NPAS3: variants seen among roughly 807,000 people sequenced by gnomAD.
The protein encoded by NPAS3 is neuronal PAS domain-containing protein 3.
A neutral mutation model predicts 73.1 loss-of-function variants in NPAS3; 14 were observed. The ratio of observed to expected loss-of-function variants is 0.19; its 90% CI spans 0.13 to 0.30. The LOEUF (loss-of-function observed/expected upper bound fraction) is 0.30, where lower values mean the gene tolerates loss of function less well. NPAS3 is among the 10% of genes least tolerant of loss of function. NPAS3 has a pLI of 1.00. For missense variants in NPAS3, 1,096 were observed against 1,250.0 expected (o/e 0.88, Z 1.86); for synonymous variants, 620 against 541.5 (o/e 1.14, Z -2.01).
intron 4 of NPAS3, among the ~76,000 whole-genome samples, chr14:33,507,790 T>C (rs997576194): frequency 2.0e-5 from 3 of 152,056 alleles, no homozygotes; most frequent in African/African-American, 7.2e-5. Context: ...TGCTGTTCTC[T>C]TTTACTTCTG....
chr14:33,309,589 C>T (rs1022224727), intron 3 of NPAS3, among the ~76,000 whole-genome samples: 3 of 152,080 alleles, frequency 2.0e-5, no homozygotes, highest in African/African-American at 7.2e-5. Flanking sequence ...TGTAAAGCAA[C>T]CTGAAATTAA....
At chr14:33,207,217 C>A (rs1198427866) in intron 2 of NPAS3, among the ~76,000 whole-genome samples, 1 of 150,078 alleles carries the variant, frequency 6.7e-6, no homozygotes, top group Non-Finnish European at 1.5e-5. Flanking sequence ...CCAGGAAGTT[C>A]TCAGCTCAAA....
chr14:33,672,951 T>TTAGA (rs1343845840), intron 5 of NPAS3, among the ~76,000 whole-genome samples: 9 of 152,350 alleles, frequency 5.9e-5, no homozygotes, highest in African/African-American at 2.2e-4. Flanking sequence ...GTTGAAAGTG[T>TTAGA]TAGATACATG....
intron 5 of NPAS3, among the ~76,000 whole-genome samples, chr14:33,651,338 C>A (rs1185132682): frequency 6.6e-6 from 1 of 152,150 alleles, no homozygotes; most frequent in Non-Finnish European, 1.5e-5. Context: ...CATAGGACAT[C>A]ACTGTTCATA....
At chr14:33,216,998 G>A (rs1186779536) in intron 3 of NPAS3, among the ~76,000 whole-genome samples, 1 of 152,132 alleles carries the variant, frequency 6.6e-6, no homozygotes, top group Non-Finnish European at 1.5e-5. Flanking sequence ...CCCGAGAATG[G>A]ATAAACAAAA....
At chr14:33,574,214 G>T (rs560316442) in intron 5 of NPAS3, among the ~76,000 whole-genome samples, 21 of 152,210 alleles carry the variant, frequency 1.4e-4, no homozygotes, top group Non-Finnish European at 2.9e-4. Flanking sequence ...GCAAGCCTCA[G>T]AAAATCTCAG....
At chr14:33,170,532 C>T (rs1300795333) in intron 2 of NPAS3, among the ~76,000 whole-genome samples, 1 of 152,178 alleles carries the variant, frequency 6.6e-6, no homozygotes, top group Non-Finnish European at 1.5e-5. Context: ...GCATGTGATG[C>T]CATGTGATAG....
intron 5 of NPAS3, among the ~76,000 whole-genome samples, chr14:33,617,729 G>T (rs1233830121): frequency 6.6e-6 from 1 of 152,134 alleles, no homozygotes; most frequent in Non-Finnish European, 1.5e-5. Flanking sequence ...GCGATCAAGG[G>T]CTGTGCCACA....
chr14:33,588,684 G>GCTCACTGCAACCTTCGC (rs2056954659), intron 5 of NPAS3, among the ~76,000 whole-genome samples: 1 of 152,156 alleles, frequency 6.6e-6, no homozygotes, highest in Admixed American at 6.5e-5. Flanking sequence ...TGTGACCTTG[G>GCTCACTGCAACCTTCGC]CTCACTGCAA....
chr14:33,658,721 A>G (rs1038254218), intron 5 of NPAS3, among the ~76,000 whole-genome samples: 5 of 152,202 alleles, frequency 3.3e-5, no homozygotes, highest in African/African-American at 1.2e-4. Context: ...CACACTGTTC[A>G]TTAGAGATGC....
At chr14:33,281,378 C>G (rs947548066) in intron 3 of NPAS3, among the ~76,000 whole-genome samples, 2 of 152,074 alleles carry the variant, frequency 1.3e-5, no homozygotes, top group African/African-American at 4.8e-5. Flanking sequence ...TGCCTGTAAT[C>G]CCAGCACTTT....
intron 3 of NPAS3, among the ~76,000 whole-genome samples, chr14:33,248,336 A>G (rs2048461920): frequency 6.6e-6 from 1 of 152,178 alleles, no homozygotes; most frequent in Non-Finnish European, 1.5e-5. Context: ...AACAGCCTCC[A>G]ATTCTTTTCA....
intron 5 of NPAS3, among the ~76,000 whole-genome samples, chr14:33,570,584 C>T (rs1013741992): frequency 1.2e-4 from 19 of 152,146 alleles, no homozygotes; most frequent in African/African-American, 4.3e-4. Context: ...AAGAAAGGAC[C>T]GTGCCATTCC....
chr14:33,753,443 G>C (rs2062023981), intron 7 of NPAS3, among the ~76,000 whole-genome samples: 1 of 151,278 alleles, frequency 6.6e-6, no homozygotes, highest in Non-Finnish European at 1.5e-5. Flanking sequence ...AACTGCATTT[G>C]TGCGGCAGGG....
intron 6 of NPAS3, among the ~76,000 whole-genome samples, chr14:33,680,363 G>A (rs538087667): frequency 6.6e-6 from 1 of 152,160 alleles, no homozygotes; most frequent in African/African-American, 2.4e-5. Context: ...TGAATTCAGG[G>A]AAAAAGGAGT....
At chr14:33,047,566 AG>A (rs1185285636) in intron 1 of NPAS3, among the ~76,000 whole-genome samples, 3 of 152,252 alleles carry the variant, frequency 2.0e-5, no homozygotes, top group African/African-American at 7.2e-5. Flanking sequence ...AAACATTGGT[AG>A]ATAGGAACCT....
intron 1 of NPAS3, among the ~76,000 whole-genome samples, chr14:32,995,632 T>A (rs2038536783): frequency 6.6e-6 from 1 of 152,144 alleles, no homozygotes; most frequent in Admixed American, 6.5e-5. Context: ...AGCAAATGAG[T>A]CTCACAGGAT....
At chr14:33,537,384 A>C (rs975119917) in intron 4 of NPAS3, among the ~76,000 whole-genome samples, 9 of 152,178 alleles carry the variant, frequency 5.9e-5, no homozygotes, top group African/African-American at 2.2e-4. Context: ...AAACAGAAAA[A>C]ATCTCCTAGG....
intron 4 of NPAS3, among the ~76,000 whole-genome samples, chr14:33,448,331 T>C (rs1347812385): frequency 6.6e-6 from 1 of 152,114 alleles, no homozygotes; most frequent in Non-Finnish European, 1.5e-5. Context: ...CTCCATAATT[T>C]AAGGGGATAA....
Sources: gnomAD v4.1 joint callset for allele counts (sites outside exome capture counted in the v4.1 genomes callset) on GRCh38, gnomAD v4.1.1 for gene constraint, MANE v1.5 for transcripts, NCBI Gene and HGNC (gene_info 2026-07-23, HGNC 2026-07-21) for gene names.